KCNH5: variants seen among roughly 807,000 people sequenced by gnomAD.
KCNH5 encodes the protein potassium voltage-gated channel subfamily H member 5.
In KCNH5, 46 loss-of-function variants were observed where a neutral mutation model predicts 96.1. The ratio of observed to expected loss-of-function variants is 0.48; its 90% CI spans 0.38 to 0.61. The LOEUF is 0.61. Among genes scored for constraint, KCNH5 ranks in the 20% least tolerant of loss-of-function variants. The pLI, the probability that KCNH5 is intolerant of heterozygous loss-of-function variation, is 0.00. For missense variants in KCNH5, 907 were observed against 1,225.8 expected (o/e 0.74, Z 3.88); for synonymous variants, 439 against 449.8 (o/e 0.98, Z 0.30).
chr14:62,781,526 A>ATTTCACCTCTGCAGTCTC (rs1199544250), intron 9 of KCNH5, among the ~76,000 whole-genome samples: 5 of 152,148 alleles, frequency 3.3e-5, no homozygotes, highest in African/African-American at 1.2e-4. Flanking sequence ...CGACCGTAAG[A>ATTTCACCTCTGCAGTCTC]GACGGCCACG....
chr14:62,908,122 A>G (rs1889064923), intron 7 of KCNH5, among the ~76,000 whole-genome samples: 1 of 152,240 alleles, frequency 6.6e-6, no homozygotes, highest in Non-Finnish European at 1.5e-5. Context: ...CTCAGTTTGT[A>G]TAACAGTATA....
intron 9 of KCNH5, among the ~76,000 whole-genome samples, chr14:62,780,174 C>A (rs1182000001): frequency 2.0e-5 from 3 of 152,174 alleles, no homozygotes; most frequent in African/African-American, 7.2e-5. Context: ...AAGCCAAACA[C>A]CTCATTTTAA....
chr14:62,812,585 T>C (rs1363590308), intron 8 of KCNH5, among the ~76,000 whole-genome samples: 1 of 151,596 alleles, frequency 6.6e-6, no homozygotes, highest in African/African-American at 2.4e-5. Context: ...CCTTAGAAGA[T>C]AAGGGAGTCT....
rs546912435 is a variant in KCNH5, at chr14:62,969,357, G to A, written c.942+11515C>T. On this transcript the variant is annotated intron_variant, in intron 6 of 10. Transcript: ENST00000322893. ...TCTATACTTTCACCTTTGCAAACCAGAAATCCAAAGTAAGTCAAAGAAAAG... is the reference window on the plus strand; with the variant it reads ...TCTATACTTTCACCTTTGCAAACCAAAAATCCAAAGTAAGTCAAAGAAAAG... Among the ~76,000 whole-genome samples, 3 of 152,054 alleles carry A rather than the reference G, an allele frequency of 2.0e-5. No individual in the cohort carries two copies. In the East Asian group the frequency reaches 5.8e-4, roughly 29 times the overall value.
chr14:62,818,565 G>A (rs1246168231), intron 8 of KCNH5, among the ~76,000 whole-genome samples: 1 of 152,106 alleles, frequency 6.6e-6, no homozygotes, highest in Non-Finnish European at 1.5e-5. Context: ...GGGTATCCCA[G>A]TAGAAATGTC....
rs372243569 is a variant in KCNH5 at position 62,902,247 on chromosome 14, C to T, written c.1369+47886G>A. 3.6e-4 allele frequency among the ~76,000 whole-genome samples: 55 copies of T among 151,246 alleles called. 3 individuals carry two copies. The South Asian group carries it at 7.5e-3, about 21-fold the overall frequency. The stretch of plus-strand genomic sequence containing the variant: ...TCCCATGTGTCAATTTTTGATTTTT[C>T]TTCAGTTTCTTTTGAGGACTTACTC... On this transcript the variant is annotated intron_variant, in intron 7 of 10. Coordinates refer to ENST00000322893, the MANE Select transcript of KCNH5 (RefSeq NM_139318.5).
chr14:62,962,476 C>T (rs1890231827), intron 6 of KCNH5, among the ~76,000 whole-genome samples: 1 of 152,068 alleles, frequency 6.6e-6, no homozygotes, highest in African/African-American at 2.4e-5. Flanking sequence ...TTAAAGGCTT[C>T]CTGGGGATCA....
intron 10 of KCNH5, among the ~76,000 whole-genome samples, chr14:62,759,244 T>G (rs200579278): frequency 7.0e-6 from 1 of 142,178 alleles, no homozygotes; most frequent in Non-Finnish European, 1.6e-5. Flanking sequence ...AGTCAGCTGT[T>G]TTTGACAAGC....
chr14:63,015,213 G>A (rs1473776637), intron 2 of KCNH5, among the ~76,000 whole-genome samples: 1 of 152,088 alleles, frequency 6.6e-6, no homozygotes, highest in East Asian at 1.9e-4. Context: ...AATCATCTAA[G>A]CTGTTGGTTA....
intron 7 of KCNH5, among the ~76,000 whole-genome samples, chr14:62,936,746 G>A (rs1889690256): frequency 6.6e-6 from 1 of 151,308 alleles, no homozygotes; most frequent in African/African-American, 2.4e-5. Context: ...GGGCGGCCAA[G>A]GCAGGCAGAT....
rs546060075 is a variant in KCNH5, at chr14:62,996,627, G to A, written c.433+4704C>T. On this transcript the variant is annotated intron_variant, in intron 4 of 10. Transcript: ENST00000322893. ...TGATGTGGAGATGCAGATAAATGGA[G>A]AAGCATTAATTTCAGAAAGAAAAGT... 3.3e-5 allele frequency among the ~76,000 whole-genome samples: 5 copies of A among 152,300 alleles called. No homozygotes were observed. The East Asian group carries it at 9.6e-4, about 29-fold the overall frequency.
intron 4 of KCNH5, among the ~76,000 whole-genome samples, chr14:62,988,668 G>C (rs762588326): frequency 6.7e-5 from 10 of 150,370 alleles, no homozygotes; most frequent in Non-Finnish European, 1.0e-4. Flanking sequence ...GCAACCCTAA[G>C]GCTTACCCTG....
At chr14:62,978,660 TGAGA>T (rs1340767608) in intron 6 of KCNH5, among the ~76,000 whole-genome samples, 4 of 151,686 alleles carry the variant, frequency 2.6e-5, no homozygotes, top group Non-Finnish European at 2.9e-5. Flanking sequence ...TGAGCTAAGT[TGAGA>T]GAATCTTTTA....
intron 7 of KCNH5, among the ~76,000 whole-genome samples, chr14:62,914,252 T>C (rs911224733): frequency 5.9e-5 from 9 of 152,196 alleles, no homozygotes; most frequent in African/African-American, 1.9e-4. Flanking sequence ...CCTAATGTAG[T>C]CTGAGATAGT....
intron 1 of KCNH5, among the ~76,000 whole-genome samples, chr14:63,033,327 A>G (rs1430386462): frequency 6.6e-6 from 1 of 152,188 alleles, no homozygotes; most frequent in Non-Finnish European, 1.5e-5. Flanking sequence ...CTAGTGTTTA[A>G]GCTTCACAAA....
intron 10 of KCNH5, among the ~76,000 whole-genome samples, chr14:62,764,330 T>C (rs1397613837): frequency 6.6e-6 from 1 of 152,218 alleles, no homozygotes; most frequent in Non-Finnish European, 1.5e-5. Context: ...CATATTTTCA[T>C]GTTAAAAACC....
intron 8 of KCNH5, among the ~76,000 whole-genome samples, chr14:62,805,093 A>G (rs1886738720): frequency 6.6e-6 from 1 of 152,186 alleles, no homozygotes; most frequent in Non-Finnish European, 1.5e-5. Context: ...TTAAATACAT[A>G]CACACATACA....
At chr14:62,934,621 T>C (rs1889643524) in intron 7 of KCNH5, among the ~76,000 whole-genome samples, 1 of 152,180 alleles carries the variant, frequency 6.6e-6, no homozygotes, top group Non-Finnish European at 1.5e-5. Flanking sequence ...TTTGCTATCC[T>C]CTCACTGAAA....
At chr14:62,824,020 A>T (rs932324020) in intron 8 of KCNH5, among the ~76,000 whole-genome samples, 13 of 151,996 alleles carry the variant, frequency 8.6e-5, no homozygotes, top group East Asian at 3.9e-4. Context: ...AAAAAAACTT[A>T]AAAAAAATCT....
Sources: allele counts gnomAD v4.1 joint callset (sites outside exome capture counted in the v4.1 genomes callset), GRCh38; gene constraint gnomAD v4.1.1; transcripts MANE v1.5; gene names NCBI Gene and HGNC (gene_info 2026-07-23, HGNC 2026-07-21).